Variants in KNSTRN observed in about 807,000 individuals in gnomAD.
KNSTRN encodes kinetochore localized astrin (SPAG5) binding protein.
Under a neutral mutation model 44.7 loss-of-function variants are expected in KNSTRN, and 38 were observed. That is an observed-to-expected ratio of 0.85 (90% CI 0.66 to 1.11). The LOEUF (loss-of-function observed/expected upper bound fraction) is 1.11, where lower values mean the gene tolerates loss of function less well. KNSTRN is among the 50% of genes most tolerant of loss of function. The pLI, the probability that KNSTRN is intolerant of heterozygous loss-of-function variation, is 0.00. For missense variants in KNSTRN, 406 were observed against 375.8 expected (o/e 1.08, Z -0.66); for synonymous variants, 158 against 148.1 (o/e 1.07, Z -0.48).
chr15:40,386,164 T>A (rs1595737956), intron 2 of KNSTRN, among the ~76,000 whole-genome samples, 198 bp from the exon 3 acceptor site: 1 of 152,024 alleles, frequency 6.6e-6, no homozygotes, highest in South Asian at 2.1e-4. Flanking sequence ...GAGGTGGAGG[T>A]TGCAGTGAGC....
chr15:40,388,292 A>G (rs144264264), intron 4 of KNSTRN, among the ~76,000 whole-genome samples: 71 of 152,368 alleles, frequency 4.7e-4, no homozygotes, highest in African/African-American at 1.6e-3. Flanking sequence ...ATTAACTAAA[A>G]GTATCCCTTA....
At chr15:40,384,228 G>A in intron 2 of KNSTRN, 1 of 289,060 alleles carries the variant, frequency 3.5e-6, no homozygotes, top group Admixed American at 4.7e-5. Context: ...CAAAAACTTA[G>A]CCGGGCGTGG....
At position 40,386,464 on chromosome 15, in the gene KNSTRN, C is replaced by T. The variant is rs1185255302; in HGVS notation, c.407C>T (p.Thr136Ile). Residue 136 changes from threonine to isoleucine, a missense_variant, in exon 3 of 9, where the codon ACA (threonine) becomes ATA (isoleucine). Transcript: ENST00000249776. ...LHSGGPENDVTKITKLRRENG... is the reference protein window; with the variant it reads ...LHSGGPENDVIKITKLRRENG... ...TCAGGAGGTCCAGAGAATGATGTTA[C>T]AAAAATCACCAAACTGAGACGAGAG... 3 of 1,614,066 alleles carry T rather than the reference C, an allele frequency of 1.9e-6. No individual in the cohort carries two copies. In the African/African-American group the frequency reaches 4.0e-5, roughly 22 times the overall value.
At position 40,393,462 on chromosome 15, in the gene KNSTRN, C is replaced by T; in HGVS notation, c.823-7C>T. ...GTTGTTTTCTTTTGGAATGTCTTTCCATGCAGGCCTTAAAGGTAAAGCTGG... is the reference window on the plus strand; with the variant it reads ...GTTGTTTTCTTTTGGAATGTCTTTCTATGCAGGCCTTAAAGGTAAAGCTGG... On this transcript the variant is annotated splice_region_variant and splice_polypyrimidine_tract_variant and intron_variant, in intron 8 of 8. Coordinates refer to ENST00000249776, the MANE Select transcript of KNSTRN (RefSeq NM_033286.4). The T allele has an allele frequency of 1.2e-6, 2 of 1,608,216 alleles. No individual in the cohort carries two copies. Among genetic ancestry groups the T allele is most frequent in the South Asian group, 1.1e-5 (1 of 89,684 alleles).
intron 3 of KNSTRN, 36 bp downstream of exon 3, chr15:40,386,530 T>C: frequency 6.2e-7 from 1 of 1,603,228 alleles, no homozygotes; most frequent in Non-Finnish European, 8.5e-7. Context: ...TTAGAACATC[T>C]TCCTAGAAAT....
chr15:40,386,792 G>A (rs1396247346), intron 3 of KNSTRN: 2 of 502,868 alleles, frequency 4.0e-6, no homozygotes, highest in East Asian at 7.0e-5. Flanking sequence ...TGCAGGGTGG[G>A]GACTAGTTGT....
At chr15:40,392,415 A>G (rs1180483801) in intron 8 of KNSTRN, among the ~76,000 whole-genome samples, 3 of 152,210 alleles carry the variant, frequency 2.0e-5, no homozygotes, top group African/African-American at 7.2e-5. Context: ...TCAGCCAGGC[A>G]TGGTGGCTCA....
intron 7 of KNSTRN, 163 bp downstream of exon 7, chr15:40,391,717 T>TG: frequency 1.5e-6 from 1 of 686,138 alleles, no homozygotes; most frequent in Non-Finnish European, 2.5e-6. Flanking sequence ...TAGCATATTT[T>TG]ACTTGAAAGG....
rs780754773 is a variant in KNSTRN at position 40,382,815 on chromosome 15, T to C, written c.-21T>C. 98 of 1,605,454 alleles carry C rather than the reference T, an allele frequency of 6.1e-5. No individual in the cohort carries two copies. The highest frequency in any genetic ancestry group is 8.5e-5 in the Admixed American group (5 of 58,684). The stretch of plus-strand genomic sequence containing the variant: ...TTTCGCTAGGTCTGGCTCTGGCCTC[T>C]GAGCGAACCTTCCGTACAGTATGGC... On this transcript the variant is annotated 5_prime_UTR_variant, in exon 1 of 9. Coordinates refer to ENST00000249776, the MANE Select transcript of KNSTRN (RefSeq NM_033286.4).
chr15:40,383,147 C>T, intron 1 of KNSTRN, 81 bp from the exon 2 acceptor site: 5 of 1,579,518 alleles, frequency 3.2e-6, no homozygotes, highest in Non-Finnish European at 4.3e-6. Context: ...CGGGGCCTGT[C>T]GGGTCGCGCT....
rs1283361380 is a variant in KNSTRN at position 40,383,272 on chromosome 15, C to T, written c.254C>T (p.Thr85Ile). The change falls in exon 2 of 9, where the codon ACA (threonine) becomes ATA (isoleucine). Residue 85 changes from threonine to isoleucine, a missense_variant. Thr to Ile is a moderately conservative substitution (Grantham distance 89, BLOSUM62 -1). Coordinates refer to ENST00000249776, the MANE Select transcript of KNSTRN (RefSeq NM_033286.4). ...RLVTMTSVVKTVYSLQPPSAL... is the reference protein window; with the variant it reads ...RLVTMTSVVKIVYSLQPPSAL... ...GTTACGATGACCAGTGTGGTTAAGA[C>T]AGTGTATAGCCTGCAGCCCCCCTCT... 2 of 1,614,112 alleles carry T rather than the reference C, an allele frequency of 1.2e-6. No homozygotes were observed. Among genetic ancestry groups the T allele is most frequent in the Non-Finnish European group, 1.7e-6 (2 of 1,179,992 alleles).
chr15:40,387,521 G>T (rs1889922975), intron 4 of KNSTRN, among the ~76,000 whole-genome samples: 1 of 152,198 alleles, frequency 6.6e-6, no homozygotes, highest in African/African-American at 2.4e-5. Flanking sequence ...GAGAGGAAGG[G>T]CTGGGTGTAT....
At chr15:40,383,439 C>T in intron 2 of KNSTRN, 117 bp downstream of exon 2, 1 of 714,406 alleles carries the variant, frequency 1.4e-6, no homozygotes, top group Non-Finnish European at 2.4e-6. Context: ...CCCTGAAAAC[C>T]TGTGAGCCCC....
intron 4 of KNSTRN, among the ~76,000 whole-genome samples, chr15:40,388,760 A>G (rs1566923005): frequency 6.6e-6 from 1 of 151,882 alleles, no homozygotes; most frequent in Non-Finnish European, 1.5e-5. Context: ...CCTAGCCCTC[A>G]TTCCCGTAAA....
At chr15:40,386,961 C>T in intron 3 of KNSTRN, 198 bp from the exon 4 acceptor site, 1 of 605,220 alleles carries the variant, frequency 1.7e-6, no homozygotes, top group Non-Finnish European at 3.0e-6. Flanking sequence ...GAGGCATGCC[C>T]CTTTGCTACT....
At chr15:40,383,709 G>GATTA (rs1889854835) in intron 2 of KNSTRN, among the ~76,000 whole-genome samples, 1 of 152,136 alleles carries the variant, frequency 6.6e-6, no homozygotes, top group Non-Finnish European at 1.5e-5. Context: ...TTTGAGAAGT[G>GATTA]GGATACTTAG....
intron 6 of KNSTRN, among the ~76,000 whole-genome samples, chr15:40,390,134 A>G (rs1889974178): frequency 6.6e-6 from 1 of 152,182 alleles, no homozygotes; most frequent in Non-Finnish European, 1.5e-5. Context: ...GATTATAGAG[A>G]GAGGGTTATC....
chr15:40,386,102 C>G (rs1889895589), intron 2 of KNSTRN, among the ~76,000 whole-genome samples: 1 of 152,054 alleles, frequency 6.6e-6, no homozygotes, highest in Non-Finnish European at 1.5e-5. Context: ...ATTTGAGGTG[C>G]CTATAGTCCA....
intron 2 of KNSTRN, chr15:40,384,842 A>C (rs2141272319): frequency 6.2e-6 from 1 of 160,962 alleles, no homozygotes; most frequent in South Asian, 1.4e-4. Flanking sequence ...TCCCATTTTT[A>C]AGAGACAGCT....
Sources: gnomAD v4.1 joint callset for allele counts (sites outside exome capture counted in the v4.1 genomes callset) on GRCh38, gnomAD v4.1.1 for gene constraint, MANE v1.5 for transcripts, NCBI Gene and HGNC (gene_info 2026-07-23, HGNC 2026-07-21) for gene names.